Variants in HS6ST3 observed in about 807,000 individuals in gnomAD.
HS6ST3 encodes heparan sulfate 6-O-sulfotransferase 3.
A neutral mutation model predicts 36.7 loss-of-function variants in HS6ST3; 12 were observed. That is an observed-to-expected ratio of 0.33 (90% confidence interval 0.21 to 0.53). The LOEUF (loss-of-function observed/expected upper bound fraction) is 0.53, where lower values mean the gene tolerates loss of function less well. Among genes scored for constraint, HS6ST3 ranks in the 20% least tolerant of loss-of-function variants. The pLI is 0.95. For synonymous variants in HS6ST3, 240 were observed against 257.5 expected (o/e 0.93, Z 0.65); for missense variants, 584 against 640.9 (o/e 0.91, Z 0.96).
At chr13:96,444,263 C>G (rs2055687646) in intron 1 of HS6ST3, among the ~76,000 whole-genome samples, 1 of 152,134 alleles carries the variant, frequency 6.6e-6, no homozygotes, top group African/African-American at 2.4e-5. Context: ...TAAAGGGAAG[C>G]ACCATACAGT....
chr13:96,432,235 G>A (rs1161449148), intron 1 of HS6ST3, among the ~76,000 whole-genome samples: 2 of 152,070 alleles, frequency 1.3e-5, no homozygotes, highest in African/African-American at 2.4e-5. Flanking sequence ...TCAAAACTAT[G>A]GCTAATGACC....
intron 1 of HS6ST3, among the ~76,000 whole-genome samples, chr13:96,486,492 TG>T (rs1269240661): frequency 6.6e-6 from 1 of 152,124 alleles, no homozygotes; most frequent in Non-Finnish European, 1.5e-5. Context: ...ACAGTGTAAA[TG>T]TGTTCCTGTT....
chr13:96,366,007 G>T (rs896622482), intron 1 of HS6ST3, among the ~76,000 whole-genome samples: 4 of 152,060 alleles, frequency 2.6e-5, no homozygotes, highest in Non-Finnish European at 5.9e-5. Flanking sequence ...AAACTCTAAG[G>T]CACTTTACAG....
At chr13:96,541,922 C>T (rs2138942557) in intron 1 of HS6ST3, among the ~76,000 whole-genome samples, 1 of 152,246 alleles carries the variant, frequency 6.6e-6, no homozygotes, top group Non-Finnish European at 1.5e-5. Flanking sequence ...TTTCTTATGT[C>T]ACTTGAAATA....
intron 1 of HS6ST3, among the ~76,000 whole-genome samples, chr13:96,524,121 G>T (rs1188434663): frequency 6.6e-6 from 1 of 152,162 alleles, no homozygotes; most frequent in Non-Finnish European, 1.5e-5. Context: ...CCCCTCAGCT[G>T]CAGGTCTGTT....
intron 1 of HS6ST3, among the ~76,000 whole-genome samples, chr13:96,793,149 G>A (rs933912760): frequency 1.3e-5 from 2 of 151,976 alleles, no homozygotes; most frequent in South Asian, 2.1e-4. Flanking sequence ...TTCATTTCAC[G>A]TTATTCTTTC....
chr13:96,161,266 G>C (rs778443340), intron 1 of HS6ST3, among the ~76,000 whole-genome samples: 1 of 152,178 alleles, frequency 6.6e-6, no homozygotes, highest in Non-Finnish European at 1.5e-5. Flanking sequence ...AGACCTTATA[G>C]AGGCCCAGTT....
chr13:96,339,670 G>A (rs1185641587), intron 1 of HS6ST3, among the ~76,000 whole-genome samples: 1 of 152,190 alleles, frequency 6.6e-6, no homozygotes, highest in Non-Finnish European at 1.5e-5. Flanking sequence ...TCAGCCAGTG[G>A]ATTATAGCCA....
At chr13:96,577,678 C>T (rs890539582) in intron 1 of HS6ST3, among the ~76,000 whole-genome samples, 10 of 152,148 alleles carry the variant, frequency 6.6e-5, no homozygotes, top group African/African-American at 2.2e-4. Flanking sequence ...AAAACATGGG[C>T]GAAGGACATG....
chr13:96,827,170 T>G (rs1181630570), intron 1 of HS6ST3, among the ~76,000 whole-genome samples: 1 of 152,208 alleles, frequency 6.6e-6, no homozygotes, highest in African/African-American at 2.4e-5. Flanking sequence ...AAGATCTCCT[T>G]GAGGACATGG....
chr13:96,408,945 A>G (rs1249761610), intron 1 of HS6ST3, among the ~76,000 whole-genome samples: 1 of 152,132 alleles, frequency 6.6e-6, no homozygotes, highest in East Asian at 1.9e-4. Flanking sequence ...AAAGAAAAGA[A>G]AAGAAAATAC....
intron 1 of HS6ST3, among the ~76,000 whole-genome samples, chr13:96,095,863 G>GGTGTGTGTGT (rs141939376): frequency 0.022 from 3,105 of 140,360 alleles, 58 homozygotes; most frequent in African/African-American, 0.036. Context: ...TTATATGACT[G>GGTGTGTGTGT]GTGTGTGTGT....
At chr13:96,315,149 T>G (rs1220397753) in intron 1 of HS6ST3, among the ~76,000 whole-genome samples, 2 of 152,164 alleles carry the variant, frequency 1.3e-5, no homozygotes, top group East Asian at 3.8e-4. Flanking sequence ...CAGTGACTCA[T>G]AACATACTAC....
At chr13:96,197,864 A>T (rs940304211) in intron 1 of HS6ST3, among the ~76,000 whole-genome samples, 10 of 152,044 alleles carry the variant, frequency 6.6e-5, no homozygotes, top group Non-Finnish European at 1.2e-4. Context: ...GGACTGGAGG[A>T]CAGTGGCCCT....
At chr13:96,267,048 G>T (rs1259460780) in intron 1 of HS6ST3, among the ~76,000 whole-genome samples, 3 of 152,150 alleles carry the variant, frequency 2.0e-5, no homozygotes, top group Non-Finnish European at 4.4e-5. Context: ...TGAATCCTCG[G>T]AGCGGGTTTT....
chr13:96,700,746 T>A (rs1875264040), intron 1 of HS6ST3, among the ~76,000 whole-genome samples: 1 of 152,192 alleles, frequency 6.6e-6, no homozygotes, highest in Non-Finnish European at 1.5e-5. Context: ...ATTTAATTCC[T>A]TCTGGCTCCA....
intron 1 of HS6ST3, among the ~76,000 whole-genome samples, chr13:96,212,468 A>G (rs1289113777): frequency 6.6e-6 from 1 of 152,232 alleles, no homozygotes; most frequent in Non-Finnish European, 1.5e-5. Flanking sequence ...GTGCTTGTAG[A>G]TCTTGCATGT....
intron 1 of HS6ST3, among the ~76,000 whole-genome samples, chr13:96,755,805 T>C (rs1306124897): frequency 6.6e-6 from 1 of 152,242 alleles, no homozygotes; most frequent in Non-Finnish European, 1.5e-5. Context: ...TGAACATTGA[T>C]GTATGTAATT....
chr13:96,473,310 G>T (rs1452946855), intron 1 of HS6ST3, among the ~76,000 whole-genome samples: 1 of 152,174 alleles, frequency 6.6e-6, no homozygotes, highest in Non-Finnish European at 1.5e-5. Context: ...CCACGACTGA[G>T]CTCCTCCATA....
Sources: gnomAD v4.1 joint callset for allele counts (sites outside exome capture counted in the v4.1 genomes callset) on GRCh38, gnomAD v4.1.1 for gene constraint, MANE v1.5 for transcripts, NCBI Gene and HGNC (gene_info 2026-07-23, HGNC 2026-07-21) for gene names.